The following DNAH6 variants were observed in gnomAD, a reference collection of about 807,000 sequenced individuals.
DNAH6 encodes the protein dynein axonemal heavy chain 6, also known as axonemal beta dynein heavy chain 6.
Under a neutral mutation model 491.4 loss-of-function variants are expected in DNAH6, and 340 were observed. The observed-to-expected ratio is 0.69, with a 90% CI of 0.63 to 0.76. The LOEUF (loss-of-function observed/expected upper bound fraction) is 0.76. DNAH6 is among the 30% of genes least tolerant of loss of function. The pLI, the probability that DNAH6 is intolerant of heterozygous loss-of-function variation, is 0.00. For synonymous variants in DNAH6, 1,603 were observed against 1,686.1 expected, an observed-to-expected ratio of 0.95 and a Z score of 1.21; for missense variants, 4,443 against 4,972.2, an observed-to-expected ratio of 0.89 and a Z score of 3.20.
intron 70 of DNAH6, 88 bp from the exon 71 acceptor site, chr2:84,805,577 C>A: frequency 1.6e-6 from 2 of 1,237,974 alleles, no homozygotes; most frequent in South Asian, 1.8e-5. Flanking sequence ...AGAGAACTGC[C>A]TTTACTTTTG....
intron 64 of DNAH6, among the ~76,000 whole-genome samples, chr2:84,775,844 G>T (rs1351687961): frequency 1.3e-5 from 2 of 152,066 alleles, no homozygotes; most frequent in Admixed American, 1.3e-4. Flanking sequence ...TATTTCTGTA[G>T]CATTGGTTGT....
intron 33 of DNAH6, among the ~76,000 whole-genome samples, chr2:84,646,307 C>T (rs992475014): frequency 2.0e-5 from 3 of 152,072 alleles, no homozygotes; most frequent in Non-Finnish European, 4.4e-5. Flanking sequence ...TCTCCTTCTC[C>T]TTGGGCCTCC....
intron 64 of DNAH6, chr2:84,777,261 T>C (rs1226998557): frequency 4.4e-6 from 1 of 225,222 alleles, no homozygotes; most frequent in Non-Finnish European, 9.4e-6. Flanking sequence ...TAAATAAATA[T>C]AAAATTGCAG....
Position 84,621,057 on chromosome 2 carries a change from T to A in DNAH6, c.3793-134T>A, listed in dbSNP as rs1687348151. The A allele has an allele frequency of 3.6e-6, 3 of 841,132 alleles. No individual in the cohort carries two copies. The Admixed American group carries it at 8.0e-5, about 23-fold the overall frequency. The allele number at this position is 841,132 out of a possible 1,614,324, so 52.1% of individuals were successfully genotyped here. ...AAGGAGATAGATGCATAGTGGAATG[T>A]CAATAGAAGTTTCAGTATTTGTGGT... On this transcript the variant is annotated intron_variant, in intron 24 of 76. Coordinates refer to ENST00000389394, the MANE Select transcript of DNAH6 (RefSeq NM_001370.2).
chr2:84,542,146 A>G (rs760614548), intron 4 of DNAH6, among the ~76,000 whole-genome samples: 1 of 152,208 alleles, frequency 6.6e-6, no homozygotes, highest in Non-Finnish European at 1.5e-5. Flanking sequence ...ACCATCTTCT[A>G]GAAGGGCCAT....
chr2:84,654,823 G>A, intron 35 of DNAH6, 41 bp downstream of exon 35: 11 of 1,546,332 alleles, frequency 7.1e-6, no homozygotes, highest in Non-Finnish European at 8.7e-6. Flanking sequence ...CCATCTGTCA[G>A]GACTCATGTT....
Position 84,769,364 on chromosome 2 carries a change from G to A in DNAH6, c.10703+6419G>A, listed in dbSNP as rs113500041. Among the ~76,000 whole-genome samples the A allele has an allele frequency of 2.4e-4, 37 of 152,328 alleles. 1 individual carries two copies. Among genetic ancestry groups the A allele is most frequent in the African/African-American group, 8.2e-4 (34 of 41,568 alleles). ...CATGGGCTGGAACCTGACACTTGGCGTGACAACACAAAAATAACAGTCTGG... is the reference window on the plus strand; with the variant it reads ...CATGGGCTGGAACCTGACACTTGGCATGACAACACAAAAATAACAGTCTGG... On this transcript the variant is annotated intron_variant, in intron 64 of 76. Coordinates refer to ENST00000389394, the MANE Select transcript of DNAH6 (RefSeq NM_001370.2).
intron 20 of DNAH6, 103 bp downstream of exon 20, chr2:84,605,695 A>C: frequency 1.5e-6 from 1 of 682,818 alleles, no homozygotes; most frequent in Non-Finnish European, 2.4e-6. Flanking sequence ...CATGAGAGTC[A>C]CTTAATAAGA....
intron 63 of DNAH6, among the ~76,000 whole-genome samples, chr2:84,760,181 A>G (rs1212952305): frequency 6.6e-6 from 1 of 152,178 alleles, no homozygotes; most frequent in Non-Finnish European, 1.5e-5. Context: ...TGAACTAAAG[A>G]CTTAAAAGTA....
intron 70 of DNAH6, 122 bp downstream of exon 70, chr2:84,797,780 T>C: frequency 1.1e-6 from 1 of 925,294 alleles, no homozygotes; most frequent in Admixed American, 2.7e-5. Context: ...AAAATAATTG[T>C]TTCACCTTGA....
chr2:84,799,867 G>A (rs1678725946), intron 70 of DNAH6, among the ~76,000 whole-genome samples: 1 of 152,192 alleles, frequency 6.6e-6, no homozygotes, highest in African/African-American at 2.4e-5. Context: ...ATTCCCATTG[G>A]AGCCCTTCCT....
the DNAH6 span, among the ~76,000 whole-genome samples, chr2:84,467,247 C>G: frequency 6.6e-6 from 1 of 152,164 alleles, no homozygotes; most frequent in Admixed American, 6.5e-5. Context: ...TTAATCTAGG[C>G]AAGAAAAATC....
At position 84,610,777 on chromosome 2, in the gene DNAH6, ATCT is replaced by A. The variant is rs1197472283; in HGVS notation, c.3295-891_3295-889del. On this transcript the variant is annotated intron_variant, in intron 21 of 76. Transcript: ENST00000389394. Reference sequence around the variant, plus strand: ...TCAAAGAGAACTTTCTCAGAAATTCATCTTCTTCAACAAACCACATTGTCTGAG... The same window carrying A: ...TCAAAGAGAACTTTCTCAGAAATTCATCTTCAACAAACCACATTGTCTGAG... 7.2e-5 allele frequency among the ~76,000 whole-genome samples: 11 copies of A among 152,346 alleles called. No individual in the cohort carries two copies. In the East Asian group the frequency reaches 1.2e-3, roughly 16 times the overall value.
At chr2:84,726,068 A>T (rs916459481) in intron 60 of DNAH6, among the ~76,000 whole-genome samples, 1 of 152,178 alleles carries the variant, frequency 6.6e-6, no homozygotes, top group Non-Finnish European at 1.5e-5. Flanking sequence ...GACTGACACA[A>T]TCAGGCCCCT....
intron 37 of DNAH6, among the ~76,000 whole-genome samples, chr2:84,661,983 C>A (rs1201982620): frequency 6.6e-6 from 1 of 151,868 alleles, no homozygotes; most frequent in African/African-American, 2.4e-5. Context: ...AAGAAAGAAC[C>A]CTTCTGAGGT....
At position 84,530,395 on chromosome 2, in the gene DNAH6, C is replaced by G. The variant is rs78282689; in HGVS notation, c.662+1229C>G. ...ATGTGGTGGTGCAGTTATGAGCATTCCAGGCAGCAGGAAAATGAATACAAA... is the reference window on the plus strand; with the variant it reads ...ATGTGGTGGTGCAGTTATGAGCATTGCAGGCAGCAGGAAAATGAATACAAA... On this transcript the variant is annotated intron_variant, in intron 4 of 76. Transcript: ENST00000389394. Among the ~76,000 whole-genome samples the G allele has an allele frequency of 1.6e-3, 239 of 152,134 alleles. 2 individuals carry two copies. The highest frequency in any genetic ancestry group is 5.5e-3 in the African/African-American group (228 of 41,528).
chr2:84,641,945 A>G lies in DNAH6; in HGVS notation c.4971-2A>G. On this transcript the variant is annotated splice_acceptor_variant, in intron 32 of 76. Coordinates refer to ENST00000389394, the MANE Select transcript of DNAH6 (RefSeq NM_001370.2). LOFTEE classifies it high-confidence loss of function. ...TTATCCGAAATATTCCTTTAAATTT[A>G]GATCTTTAAAAAGAGAAAACCCAGA... is the stretch of plus-strand genomic sequence containing the variant. The G allele has an allele frequency of 6.5e-7, 1 of 1,546,848 alleles. No individual in the cohort carries two copies.
At chr2:84,708,646 G>C (rs977086221) in intron 54 of DNAH6, among the ~76,000 whole-genome samples, 3 of 151,938 alleles carry the variant, frequency 2.0e-5, no homozygotes, top group Non-Finnish European at 4.4e-5. Context: ...AAGAAAGAAA[G>C]AGAGAAAGAA....
intron 26 of DNAH6, among the ~76,000 whole-genome samples, chr2:84,622,687 T>C (rs909643305): frequency 6.6e-6 from 1 of 152,216 alleles, no homozygotes; most frequent in African/African-American, 2.4e-5. Flanking sequence ...CTTTTGGATG[T>C]GTACCAGAGT....
Sources: gnomAD v4.1 joint callset for allele counts (sites outside exome capture counted in the v4.1 genomes callset) on GRCh38, gnomAD v4.1.1 for gene constraint, MANE v1.5 for transcripts, NCBI Gene and HGNC (gene_info 2026-07-23, HGNC 2026-07-21) for gene names.